Variants in SLC6A4 observed in about 807,000 individuals in gnomAD.
SLC6A4 encodes solute carrier family 6 member 4.
SLC6A4 carries 22 observed loss-of-function variants against 73.4 expected under a neutral mutation model. The ratio of observed to expected loss-of-function variants is 0.30; its 90% CI spans 0.21 to 0.43. The LOEUF is 0.43. SLC6A4 is among the 20% of genes least tolerant of loss of function. The pLI, the probability that SLC6A4 is intolerant of heterozygous loss-of-function variation, is 1.00. For synonymous variants in SLC6A4, 270 were observed against 315.5 expected, an observed-to-expected ratio of 0.86 and a Z score of 1.53; for missense variants, 593 against 808.5, an observed-to-expected ratio of 0.73 and a Z score of 3.23.
intron 5 of SLC6A4, among the ~76,000 whole-genome samples, 179 bp from the exon 6 acceptor site, chr17:30,217,483 C>G (rs1159412242): frequency 6.6e-6 from 1 of 152,218 alleles, no homozygotes; most frequent in Non-Finnish European, 1.5e-5. Context: ...GACCACAAAG[C>G]ACATTTGGCC....
chr17:30,204,129 C>T (rs1381957320), intron 13 of SLC6A4, among the ~76,000 whole-genome samples: 1 of 152,234 alleles, frequency 6.6e-6, no homozygotes, highest in African/African-American at 2.4e-5. Flanking sequence ...AGTGTGCTCC[C>T]AACACCCAGT....
rs564363594 is a variant in SLC6A4 at position 30,196,433 on chromosome 17, C to T, written c.*2023G>A. On this transcript the variant is annotated 3_prime_UTR_variant, in exon 15 of 15. Transcript: ENST00000650711. ...CCTGTACAATTCCATTAATACCAGA[C>T]TTGGCAAAACGCTAATTCTGTTTGA... The T allele has an allele frequency of 1.3e-5, 2 of 152,016 alleles. No homozygotes were observed. Among genetic ancestry groups the T allele is most frequent in the East Asian group, 1.9e-4 (1 of 5,318 alleles). The allele number at this position is 152,016 out of a possible 1,614,324, so 9.4% of individuals were successfully genotyped here. A position where few individuals can be genotyped will look rare whatever the true frequency, so the allele number is the denominator to read the frequency against.
chr17:30,214,868 C>A (rs1166163526), intron 8 of SLC6A4, among the ~76,000 whole-genome samples: 4 of 151,848 alleles, frequency 2.6e-5, no homozygotes, highest in Non-Finnish European at 1.5e-5. Context: ...CTCCTGACCT[C>A]GTGATCCACC....
chr17:30,233,014 T>C (rs1230351731), intron 1 of SLC6A4, among the ~76,000 whole-genome samples: 1 of 152,220 alleles, frequency 6.6e-6, no homozygotes, highest in African/African-American at 2.4e-5. Flanking sequence ...GAAAGGCTAG[T>C]TTCATCTGTT....
At chr17:30,232,851 C>T (rs759387004) in intron 1 of SLC6A4, among the ~76,000 whole-genome samples, 4 of 152,230 alleles carry the variant, frequency 2.6e-5, no homozygotes, top group Non-Finnish European at 5.9e-5. Context: ...AGACGTTTCT[C>T]ACAGGGCAAC....
At chr17:30,212,986 T>C in intron 8 of SLC6A4, 119 bp from the exon 9 acceptor site, 1 of 1,077,228 alleles carries the variant, frequency 9.3e-7, no homozygotes. Flanking sequence ...ACAAGCAGGC[T>C]GAACTCAAGG....
intron 1 of SLC6A4, among the ~76,000 whole-genome samples, chr17:30,227,083 G>A (rs1906953058): frequency 6.6e-6 from 1 of 152,198 alleles, no homozygotes; most frequent in Non-Finnish European, 1.5e-5. Context: ...CACATGTTTT[G>A]CACCACAGTT....
In SLC6A4 at chr17:30,218,951, A is replaced by G. The variant is rs2143015199; in HGVS notation, c.344-20T>C. The G allele has an allele frequency of 6.2e-7, 1 of 1,613,396 alleles. No homozygotes were observed. Among genetic ancestry groups the G allele is most frequent in the East Asian group, 2.2e-5 (1 of 44,870 alleles). ...ATGCCCCTGAGGCAGATGAAAGACA[A>G]TTTCACTCCCTGCCCACGTCTGTCC... On this transcript the variant is annotated intron_variant, in intron 3 of 14. Transcript: ENST00000650711.
At chr17:30,199,104 G>A (rs1006711081) in intron 14 of SLC6A4, among the ~76,000 whole-genome samples, 9 of 152,210 alleles carry the variant, frequency 5.9e-5, no homozygotes, top group East Asian at 5.8e-4. Flanking sequence ...TAAAAGATGC[G>A]ATTATTGAAA....
intron 1 of SLC6A4, among the ~76,000 whole-genome samples, chr17:30,223,699 G>A (rs1236287607): frequency 6.6e-6 from 1 of 152,158 alleles, no homozygotes; most frequent in Non-Finnish European, 1.5e-5. Flanking sequence ...GGAGGTAGAC[G>A]TCTTGGGCTG....
At chr17:30,214,101 T>C (rs907579825) in intron 8 of SLC6A4, among the ~76,000 whole-genome samples, 1 of 152,070 alleles carries the variant, frequency 6.6e-6, no homozygotes. Context: ...TCTGTTAAAA[T>C]TTCTGAAATA....
chr17:30,219,923 C>T (rs1906692895), intron 3 of SLC6A4, among the ~76,000 whole-genome samples: 1 of 152,184 alleles, frequency 6.6e-6, no homozygotes, highest in East Asian at 1.9e-4. Flanking sequence ...CATGTGTTCT[C>T]GTGATGGCCT....
intron 1 of SLC6A4, among the ~76,000 whole-genome samples, chr17:30,226,507 G>T (rs1371797166): frequency 6.6e-6 from 1 of 152,184 alleles, no homozygotes. Flanking sequence ...TGAGACCAGC[G>T]TGGCCAGCAT....
At chr17:30,233,217 T>C (rs1907166670) in intron 1 of SLC6A4, among the ~76,000 whole-genome samples, 1 of 152,038 alleles carries the variant, frequency 6.6e-6, no homozygotes, top group African/African-American at 2.4e-5. Context: ...ACCGCAAACA[T>C]CAGGGAGTGG....
intron 1 of SLC6A4, among the ~76,000 whole-genome samples, chr17:30,223,370 A>G (rs1906829890): frequency 6.6e-6 from 1 of 152,170 alleles, no homozygotes; most frequent in Admixed American, 6.5e-5. Flanking sequence ...GCTAATAGAA[A>G]TGGCGCATGG....
chr17:30,214,879 C>T (rs563718563), intron 8 of SLC6A4, among the ~76,000 whole-genome samples: 92 of 151,968 alleles, frequency 6.1e-4, no homozygotes, highest in South Asian at 1.5e-3. Flanking sequence ...GTGATCCACC[C>T]GCCTCGGCCT....
In SLC6A4 at chr17:30,198,115, T is replaced by C. The variant is rs1480799797; in HGVS notation, c.*341A>G. ...AACAGATATCAGATACCAATGATCA[T>C]ACCAAGAAATGATACAGGAGACTTT... On this transcript the variant is annotated 3_prime_UTR_variant, in exon 15 of 15. Coordinates refer to ENST00000650711, the MANE Select transcript of SLC6A4 (RefSeq NM_001045.6). 4.0e-6 allele frequency: 1 copy of C among 248,802 alleles called. No homozygotes were observed. Among genetic ancestry groups the C allele is most frequent in the Non-Finnish European group, 7.6e-6 (1 of 130,908 alleles). The allele number at this position is 248,802 out of a possible 1,614,324, so 15.4% of individuals were successfully genotyped here.
intron 8 of SLC6A4, among the ~76,000 whole-genome samples, chr17:30,215,130 A>ATC (rs567514480): frequency 1.1e-3 from 171 of 149,704 alleles, no homozygotes; most frequent in African/African-American, 4.1e-3. Flanking sequence ...TAGTGGCAAG[A>ATC]TCTCAGCTCA....
Position 30,194,927 on chromosome 17 carries a change from A to G in SLC6A4, c.*3529T>C, listed in dbSNP as rs1459517740. On this transcript the variant is annotated 3_prime_UTR_variant, in exon 15 of 15. Transcript: ENST00000650711. ...TTCTGACGAGGTCCTTCACCAATGCACACTGTCTCCAAATTAGAGTTGGCT... is the reference window on the plus strand; with the variant it reads ...TTCTGACGAGGTCCTTCACCAATGCGCACTGTCTCCAAATTAGAGTTGGCT... 6.6e-6 allele frequency: 1 copy of G among 152,206 alleles called. No individual in the cohort carries two copies. Among genetic ancestry groups the G allele is most frequent in the Non-Finnish European group, 1.5e-5 (1 of 68,034 alleles). 9.4% of individuals were successfully genotyped at this position (152,206 alleles called of 1,614,324 possible).
Sources: gnomAD v4.1 joint callset for allele counts (sites outside exome capture counted in the v4.1 genomes callset) on GRCh38, gnomAD v4.1.1 for gene constraint, MANE v1.5 for transcripts, NCBI Gene and HGNC (gene_info 2026-07-23, HGNC 2026-07-21) for gene names.